SLC4A4: variants seen among roughly 807,000 people sequenced by gnomAD.
SLC4A4 encodes the protein solute carrier family 4 member 4.
SLC4A4 carries 27 observed loss-of-function variants against 111.5 expected under a neutral mutation model. That is an observed-to-expected ratio of 0.24 (90% CI 0.18 to 0.33). SLC4A4 has a LOEUF of 0.33. SLC4A4 is among the 10% of genes least tolerant of loss of function. The pLI is 1.00. For synonymous variants in SLC4A4, 443 were observed against 463.4 expected (o/e 0.96, Z 0.57); for missense variants, 909 against 1,315.5 (o/e 0.69, Z 4.78).
chr4:71,401,012 C>G (rs116632186), intron 7 of SLC4A4, among the ~76,000 whole-genome samples: 1,727 of 152,234 alleles, frequency 0.011, 21 homozygotes, highest in South Asian at 0.02. Context: ...TTGACCAGGA[C>G]TGAAATTTCT....
chr4:71,124,617 A>G (rs1236358675), intron 2 of SLC4A4, among the ~76,000 whole-genome samples: 1 of 152,134 alleles, frequency 6.6e-6, no homozygotes, highest in Non-Finnish European at 1.5e-5. Context: ...TATTGCGCTC[A>G]CTTCCTTTCT....
chr4:71,194,387 G>T (rs1343627339), intron 1 of SLC4A4, among the ~76,000 whole-genome samples: 1 of 152,130 alleles, frequency 6.6e-6, no homozygotes, highest in Non-Finnish European at 1.5e-5. Flanking sequence ...ATTAATAAAT[G>T]TTTGTTGGCT....
At chr4:71,566,966 A>T in intron 24 of SLC4A4, 38 bp from the exon 25 acceptor site, 1 of 1,541,292 alleles carries the variant, frequency 6.5e-7, no homozygotes, top group Non-Finnish European at 9.0e-7. Flanking sequence ...TTCACCAAAG[A>T]TCTACCATTT....
Position 71,168,847 on chromosome 4 carries a change from T to A in SLC4A4, c.-1-67729T>A, listed in dbSNP as rs377169487. On this transcript the variant is annotated intron_variant, in intron 2 of 26. Transcript: ENST00000649996. ...TGTATATGTACCACACTTTATGCAT[T>A]CCCCTGTTGATGGGCACTTAGGTTG... Among the ~76,000 whole-genome samples, 129 of 152,204 alleles carry A rather than the reference T, an allele frequency of 8.5e-4. 2 individuals are homozygous for A. The South Asian group carries it at 0.026, about 30-fold the overall frequency.
At chr4:71,366,741 C>T (rs889109200) in intron 6 of SLC4A4, among the ~76,000 whole-genome samples, 2 of 152,154 alleles carry the variant, frequency 1.3e-5, no homozygotes, top group Admixed American at 1.3e-4. Flanking sequence ...ACAGAAAGTT[C>T]TGCTCTAGCT....
At chr4:71,261,203 C>G (rs1400130244) in intron 3 of SLC4A4, among the ~76,000 whole-genome samples, 20 of 152,182 alleles carry the variant, frequency 1.3e-4, no homozygotes, top group Admixed American at 1.3e-3. Flanking sequence ...ACCAAGGGAA[C>G]AAGGACTTCA....
chr4:71,439,110 T>C (rs1406820422), intron 7 of SLC4A4, among the ~76,000 whole-genome samples: 1 of 151,916 alleles, frequency 6.6e-6, no homozygotes, highest in African/African-American at 2.4e-5. Flanking sequence ...ATCTTTACTC[T>C]CTGGTGTCCA....
chr4:71,487,230 GAAGCC>G (rs915957705), intron 15 of SLC4A4, among the ~76,000 whole-genome samples: 6 of 150,654 alleles, frequency 4.0e-5, no homozygotes, highest in African/African-American at 1.5e-4. Flanking sequence ...AAAAAAAGCT[GAAGCC>G]AATATTTACT....
intron 3 of SLC4A4, among the ~76,000 whole-genome samples, chr4:71,259,395 TCACAGCTG>T (rs1721688341): frequency 6.6e-6 from 1 of 152,070 alleles, no homozygotes; most frequent in Non-Finnish European, 1.5e-5. Flanking sequence ...CCAAGTCCTT[TCACAGCTG>T]CTATTCCCAG....
intron 1 of SLC4A4, among the ~76,000 whole-genome samples, chr4:71,218,744 G>A (rs1380919688): frequency 6.6e-6 from 1 of 152,084 alleles, no homozygotes; most frequent in East Asian, 1.9e-4. Flanking sequence ...CTATTTCATT[G>A]ACGAGTAGTC....
At chr4:71,140,559 C>T (rs116817795) in intron 2 of SLC4A4, among the ~76,000 whole-genome samples, 105 of 152,252 alleles carry the variant, frequency 6.9e-4, no homozygotes, top group African/African-American at 2.5e-3. Flanking sequence ...ATCACAAACA[C>T]ATTATTTTGA....
intron 2 of SLC4A4, among the ~76,000 whole-genome samples, chr4:71,127,304 T>A (rs958733046): frequency 6.6e-6 from 1 of 151,750 alleles, no homozygotes; most frequent in East Asian, 1.9e-4. Flanking sequence ...ATGGCAAATG[T>A]GTCTCTATCT....
chr4:71,290,097 C>T (rs751523315), intron 3 of SLC4A4, among the ~76,000 whole-genome samples: 10 of 152,116 alleles, frequency 6.6e-5, no homozygotes, highest in Non-Finnish European at 1.3e-4. Flanking sequence ...AAAAAATGAG[C>T]TCAGTTTTTG....
chr4:71,156,563 TGTGCGCGCATGCGC>T (rs1744470616), intron 2 of SLC4A4, among the ~76,000 whole-genome samples: 2 of 19,420 alleles, frequency 1.0e-4, no homozygotes, highest in South Asian at 1.0e-3. Context: ...CAAATAAGTG[TGTGCGCGCATGCGC>T]GCGCGCGCGC....
At chr4:71,545,797 GT>G (rs2149233369) in intron 18 of SLC4A4, among the ~76,000 whole-genome samples, 1 of 152,126 alleles carries the variant, frequency 6.6e-6, no homozygotes, top group Non-Finnish European at 1.5e-5. Flanking sequence ...GTTGAGTACT[GT>G]CTAGATGAAC....
At chr4:71,524,659 T>G (rs949298294) in intron 16 of SLC4A4, among the ~76,000 whole-genome samples, 1 of 152,140 alleles carries the variant, frequency 6.6e-6, no homozygotes, top group Non-Finnish European at 1.5e-5. Flanking sequence ...CTTTTTTTTT[T>G]GCATAGTGCT....
chr4:71,140,021 A>G (rs1432234106), intron 2 of SLC4A4, among the ~76,000 whole-genome samples: 5 of 152,164 alleles, frequency 3.3e-5, no homozygotes, highest in African/African-American at 1.2e-4. Flanking sequence ...GGGATGGTCA[A>G]GGTGCTTAAT....
At chr4:71,179,206 A>G (rs1344412250) in intron 2 of SLC4A4, among the ~76,000 whole-genome samples, 2 of 152,216 alleles carry the variant, frequency 1.3e-5, no homozygotes, top group Admixed American at 6.5e-5. Context: ...GATGTATCTC[A>G]AAATAATAAG....
At chr4:71,388,074 T>C (rs1363233771) in intron 6 of SLC4A4, among the ~76,000 whole-genome samples, 1 of 152,226 alleles carries the variant, frequency 6.6e-6, no homozygotes, top group Non-Finnish European at 1.5e-5. Flanking sequence ...ACTTCTGTTA[T>C]GTTACACCGT....
Sources: gnomAD v4.1 joint callset for allele counts (sites outside exome capture counted in the v4.1 genomes callset) on GRCh38, gnomAD v4.1.1 for gene constraint, MANE v1.5 for transcripts, NCBI Gene and HGNC (gene_info 2026-07-23, HGNC 2026-07-21) for gene names.